TP53BP2: variants seen among roughly 807,000 people sequenced by gnomAD.
TP53BP2 encodes the protein tumor protein p53 binding protein 2.
A neutral mutation model predicts 126.2 loss-of-function variants in TP53BP2; 62 were observed. That is an observed-to-expected ratio of 0.49 (90% CI 0.40 to 0.61). The LOEUF is 0.61. TP53BP2 is among the 20% of genes least tolerant of loss of function. The pLI is 0.00. For missense variants in TP53BP2, 1,215 were observed against 1,402.8 expected, an observed-to-expected ratio of 0.87 and a Z score of 2.14; for synonymous variants, 485 against 502.9, an observed-to-expected ratio of 0.96 and a Z score of 0.48.
intron 1 of TP53BP2, among the ~76,000 whole-genome samples, chr1:223,836,561 T>C (rs892995355): frequency 6.6e-6 from 1 of 152,194 alleles, no homozygotes. Context: ...AGAGTTTATA[T>C]ATTTTATGCT....
chr1:223,790,038 G>A (rs1370860197), intron 15 of TP53BP2, among the ~76,000 whole-genome samples: 3 of 150,904 alleles, frequency 2.0e-5, no homozygotes, highest in Middle Eastern at 3.5e-3. Flanking sequence ...TTGGGAGGCC[G>A]AGGCGGGCAG....
intron 3 of TP53BP2, among the ~76,000 whole-genome samples, chr1:223,813,079 G>A (rs1455335697): frequency 6.6e-6 from 1 of 152,102 alleles, no homozygotes; most frequent in African/African-American, 2.4e-5. Flanking sequence ...GGATGGCTGT[G>A]TCCCCAGTGT....
chr1:223,832,338 A>T (rs1663764797), intron 1 of TP53BP2, among the ~76,000 whole-genome samples: 1 of 152,234 alleles, frequency 6.6e-6, no homozygotes, highest in Non-Finnish European at 1.5e-5. Context: ...ACTCACAAGA[A>T]ATACCACAGG....
At chr1:223,804,880 G>A (rs888536023) in intron 5 of TP53BP2, among the ~76,000 whole-genome samples, 27 of 152,160 alleles carry the variant, frequency 1.8e-4, no homozygotes, top group Admixed American at 3.3e-4. Context: ...ATTAAATGAA[G>A]TGTGAAATGT....
intron 17 of TP53BP2, 102 bp from the exon 18 acceptor site, chr1:223,780,996 G>T: frequency 8.8e-7 from 1 of 1,133,444 alleles, no homozygotes; most frequent in Non-Finnish European, 1.3e-6. Context: ...TCATGGGAAG[G>T]AAATCAAAGT....
At chr1:223,804,465 T>G (rs1662646167) in intron 5 of TP53BP2, 117 bp from the exon 6 acceptor site, 1 of 892,482 alleles carries the variant, frequency 1.1e-6, no homozygotes, top group Non-Finnish European at 1.7e-6. Context: ...AACCCTGGTC[T>G]GGTCTCACCT....
In TP53BP2 at chr1:223,814,282, G is replaced by T; in HGVS notation, c.247C>A (p.Arg83Ser). Reference sequence around the variant, plus strand: ...GGGCGTTCATGACGAAGGAAGAAGCGAACTTCGTTCCTCTGACTTCCAAAT... The same window carrying T: ...GGGCGTTCATGACGAAGGAAGAAGCTAACTTCGTTCCTCTGACTTCCAAAT... ...QRFGSQRNEVRFFLRHERPPG... is the reference protein window; with the variant it reads ...QRFGSQRNEVSFFLRHERPPG... The change falls in exon 3 of 18, where the codon CGC becomes AGC. Residue 83 changes from arginine to serine, a missense_variant. Physicochemically the swap from Arg to Ser is moderately radical, Grantham distance 110. Around this residue, in one of 4 missense-constraint regions of TP53BP2, gnomAD observed 814 missense variants for 853.0 expected, o/e 0.95. Transcript: ENST00000343537. The T allele has an allele frequency of 6.2e-7, 1 of 1,613,846 alleles. No individual in the cohort carries two copies. The highest frequency in any genetic ancestry group is 8.5e-7 in the Non-Finnish European group (1 of 1,179,794).
rs373088845 is a variant in TP53BP2 at position 223,814,288 on chromosome 1, C to T, written c.241G>A (p.Glu81Lys). 3.7e-6 allele frequency: 6 copies of T among 1,613,814 alleles called. No individual in the cohort carries two copies. Among genetic ancestry groups the T allele is most frequent in the African/African-American group, 2.7e-5 (2 of 74,940 alleles). Residue 81 changes from glutamate (E) to lysine (K), a missense_variant, in exon 3 of 18, where the codon GAA (glutamate) becomes AAA (lysine). By Grantham distance (56) the Glu-to-Lys change is moderately conservative. Around this residue, in one of 4 missense-constraint regions of TP53BP2, gnomAD observed 814 missense variants for 853.0 expected, o/e 0.95. Coordinates refer to ENST00000343537, the MANE Select transcript of TP53BP2 (RefSeq NM_001031685.3). The stretch of plus-strand genomic sequence containing the variant: ...TCATGACGAAGGAAGAAGCGAACTT[C>T]GTTCCTCTGACTTCCAAATCGTTGA... ...VLQRFGSQRN[E>K]VRFFLRHERP...
Position 223,825,657 on chromosome 1 carries a change from T to C in TP53BP2, c.28-4290A>G, listed in dbSNP as rs940242649. Among the ~76,000 whole-genome samples, 12 of 152,228 alleles carry C rather than the reference T, an allele frequency of 7.9e-5. 1 individual carries two copies. The highest frequency in any genetic ancestry group is 2.9e-5 in the Non-Finnish European group (2 of 68,034). Reference sequence around the variant, plus strand: ...TCTGTTTCAACATTATTTTCATTCATTCAGTATTTACAGATCATCTGCTAT... The same window carrying C: ...TCTGTTTCAACATTATTTTCATTCACTCAGTATTTACAGATCATCTGCTAT... On this transcript the variant is annotated intron_variant, in intron 1 of 17. Coordinates refer to ENST00000343537, the MANE Select transcript of TP53BP2 (RefSeq NM_001031685.3).
At chr1:223,804,481 C>G (rs1662647462) in intron 5 of TP53BP2, 133 bp from the exon 6 acceptor site, 1 of 753,618 alleles carries the variant, frequency 1.3e-6, no homozygotes, top group African/African-American at 1.8e-5. Flanking sequence ...CACCTTCTTC[C>G]TAAACACTGC....
intron 1 of TP53BP2, among the ~76,000 whole-genome samples, chr1:223,839,510 G>C (rs1162286345): frequency 6.6e-6 from 1 of 152,166 alleles, no homozygotes; most frequent in Non-Finnish European, 1.5e-5. Flanking sequence ...GTTTAAACTG[G>C]TAATCTATAA....
intron 1 of TP53BP2, among the ~76,000 whole-genome samples, chr1:223,823,869 G>A (rs1025041699): frequency 3.3e-5 from 5 of 152,110 alleles, no homozygotes; most frequent in Non-Finnish European, 7.4e-5. Flanking sequence ...ACTTTTCATT[G>A]TAAATATGAA....
At position 223,803,375 on chromosome 1, in the gene TP53BP2, C is replaced by A. The variant is rs1571852037; in HGVS notation, c.727G>T (p.Glu243Ter). The A allele has an allele frequency of 6.2e-7, 1 of 1,613,890 alleles. No homozygotes were observed. The highest frequency in any genetic ancestry group is 8.5e-7 in the Non-Finnish European group (1 of 1,179,954). Residue 243 changes from glutamate (E) to a stop codon, truncating the protein, a stop_gained, in exon 7 of 18, where the codon GAA becomes TAA. Transcript: ENST00000343537. LOFTEE classifies it high-confidence loss of function. ...ELVLAVSKVEELTRQLEMLKN... is the reference protein window; with the variant it reads ...ELVLAVSKVE The stretch of plus-strand genomic sequence containing the variant: ...AGCATCTCTAGCTGCCTGGTCAGTT[C>A]TTCTACTTTTGACACAGCCAGGACG...
chr1:223,842,894 G>A (rs1664149181), intron 1 of TP53BP2, among the ~76,000 whole-genome samples: 1 of 152,172 alleles, frequency 6.6e-6, no homozygotes, highest in African/African-American at 2.4e-5. Context: ...AAGTATGAAA[G>A]TAAAACCAGT....
At chr1:223,802,972 C>T (rs1662581200) in intron 7 of TP53BP2, 77 bp from the exon 8 acceptor site, 4 of 1,489,674 alleles carry the variant, frequency 2.7e-6, no homozygotes, top group South Asian at 1.2e-5. Context: ...ACATGGTTAA[C>T]TATTATATAA....
intron 6 of TP53BP2, 90 bp from the exon 7 acceptor site, chr1:223,803,542 T>C: frequency 7.8e-7 from 1 of 1,276,128 alleles, no homozygotes; most frequent in African/African-American, 1.5e-5. Context: ...ATGAACTTTC[T>C]AATAAACAGT....
intron 1 of TP53BP2, among the ~76,000 whole-genome samples, chr1:223,843,944 A>G (rs1664188059): frequency 6.6e-6 from 1 of 152,216 alleles, no homozygotes; most frequent in South Asian, 2.1e-4. Flanking sequence ...AGAGGCGTTT[A>G]TCTACCGCCT....
intron 1 of TP53BP2, among the ~76,000 whole-genome samples, chr1:223,833,362 C>T (rs932518613): frequency 2.0e-5 from 3 of 152,090 alleles, no homozygotes; most frequent in African/African-American, 7.2e-5. Context: ...TCACTTACAG[C>T]AAGTTAGTAG....
chr1:223,780,967 T>A, intron 17 of TP53BP2, 73 bp from the exon 18 acceptor site: 1 of 1,408,758 alleles, frequency 7.1e-7, no homozygotes, highest in Non-Finnish European at 1.0e-6. Flanking sequence ...CAAGAAATAA[T>A]GAGGTTAGGG....
Sources: gnomAD v4.1 joint callset for allele counts (sites outside exome capture counted in the v4.1 genomes callset) on GRCh38, gnomAD v4.1.1 for gene constraint, gnomAD v4.1.1 regional missense constraint, MANE v1.5 for transcripts, NCBI Gene and HGNC (gene_info 2026-07-23, HGNC 2026-07-21) for gene names.